The following PCDH11X variants were observed in gnomAD, a reference collection of about 807,000 sequenced individuals.
The protein encoded by PCDH11X is protocadherin-11 X-linked.
A neutral mutation model predicts 53.3 loss-of-function variants in PCDH11X; 18 were observed. The observed-to-expected ratio is 0.34, with a 90% CI of 0.23 to 0.50. The LOEUF is 0.50. Among genes scored for constraint, PCDH11X ranks in the 20% least tolerant of loss-of-function variants. PCDH11X has a pLI of 0.98. For missense variants in PCDH11X, 570 were observed against 1,032.4 expected (o/e 0.55, Z 6.14); for synonymous variants, 279 against 393.3 (o/e 0.71, Z 3.44).
chrX:92,521,610 A>G (rs1227153564), intron 10 of PCDH11X, among the ~76,000 whole-genome samples: 2 of 112,037 alleles, frequency 1.8e-5, no homozygotes, highest in Non-Finnish European at 3.8e-5. Context: ...TTAGCTACTA[A>G]CAAGGGACTC....
chrX:91,884,060 G>A (rs1352238462), intron 6 of PCDH11X: 5 of 171,372 alleles, frequency 2.9e-5, no homozygotes, highest in Non-Finnish European at 1.8e-5. Context: ...GCGTGGTAAT[G>A]GGCGCCTGTA....
intron 6 of PCDH11X, among the ~76,000 whole-genome samples, chrX:92,188,003 G>A (rs144368796): frequency 0.015 from 1,716 of 111,506 alleles, 31 homozygotes; most frequent in African/African-American, 0.052. Flanking sequence ...AAGACTAGGA[G>A]CCGAAACATC....
intron 6 of PCDH11X, among the ~76,000 whole-genome samples, chrX:92,079,870 T>C (rs1457304806): frequency 8.9e-6 from 1 of 111,754 alleles, no homozygotes; most frequent in Non-Finnish European, 1.9e-5. Context: ...CCAAAGGATG[T>C]TGTGGTAGGC....
At chrX:92,283,099 C>G (rs931278975) in intron 8 of PCDH11X, among the ~76,000 whole-genome samples, 5 of 110,799 alleles carry the variant, frequency 4.5e-5, no homozygotes, top group African/African-American at 1.6e-4. Flanking sequence ...TTGACAGAAT[C>G]AAGATAAAGC....
chrX:91,975,305 C>G (rs2062031882), intron 6 of PCDH11X, among the ~76,000 whole-genome samples: 1 of 111,956 alleles, frequency 8.9e-6, no homozygotes, highest in South Asian at 3.7e-4. Context: ...AGATTTTTGG[C>G]TTTGACAACT....
chrX:92,101,056 A>G (rs996808291), intron 6 of PCDH11X, among the ~76,000 whole-genome samples: 39 of 111,844 alleles, frequency 3.5e-4, no homozygotes, highest in African/African-American at 1.3e-3. Flanking sequence ...AAGGAGATTC[A>G]GCATAGTCCT....
chrX:92,573,211 T>C (rs919378831), intron 10 of PCDH11X, among the ~76,000 whole-genome samples: 5 of 111,330 alleles, frequency 4.5e-5, no homozygotes, highest in African/African-American at 1.6e-4. Flanking sequence ...TTACTTTGCC[T>C]TGGTTTTCTA....
chrX:91,790,688 TTTATC>T (rs920513110), intron 1 of PCDH11X, among the ~76,000 whole-genome samples: 3 of 110,893 alleles, frequency 2.7e-5, no homozygotes, highest in African/African-American at 9.8e-5. Flanking sequence ...CAACTAGACT[TTTATC>T]TTAGAATACA....
intron 9 of PCDH11X, among the ~76,000 whole-genome samples, chrX:92,389,603 A>C (rs1362426745): frequency 1.8e-5 from 2 of 111,314 alleles, no homozygotes; most frequent in Admixed American, 1.9e-4. Flanking sequence ...TAAAATTCCA[A>C]CTGAATGAGA....
chrX:91,902,869 A>AT (rs751340267), intron 6 of PCDH11X, among the ~76,000 whole-genome samples: 136 of 107,515 alleles, frequency 1.3e-3, no homozygotes, highest in African/African-American at 4.0e-3. Flanking sequence ...GTTCAACAAC[A>AT]TTTTTTTTTC....
chrX:92,214,340 A>C (rs2066646657), intron 7 of PCDH11X, among the ~76,000 whole-genome samples: 1 of 111,718 alleles, frequency 9.0e-6, no homozygotes, highest in Admixed American at 9.5e-5. Context: ...TGCAGAAAAA[A>C]TCATGTGATC....
chrX:91,879,246 G>A lies in PCDH11X; in HGVS notation c.3006G>A (p.Glu1002=). Residue 1002 remains glutamate, a synonymous_variant, in exon 6 of 11, where the codon GAG becomes GAA. Coordinates refer to ENST00000682573, the MANE Select transcript of PCDH11X (RefSeq NM_032968.5). ...SDCGYPVTTF[E]VPVSVHTRPP... ...GTGGCTATCCAGTGACGACCTTCGAGGTACCTGTGTCCGTACACACCAGAC... is the reference window on the plus strand; with the variant it reads ...GTGGCTATCCAGTGACGACCTTCGAAGTACCTGTGTCCGTACACACCAGAC... The A allele has an allele frequency of 8.3e-7, 1 of 1,211,538 alleles. No individual in the cohort carries two copies. Among genetic ancestry groups the A allele is most frequent in the East Asian group, 3.0e-5 (1 of 33,831 alleles).
At chrX:92,460,309 C>T (rs1217935553) in intron 9 of PCDH11X, 5 of 796,888 alleles carry the variant, frequency 6.3e-6, no homozygotes, top group East Asian at 3.1e-5. Flanking sequence ...CATGAAGAAC[C>T]ACGAAGAGGA....
chrX:92,088,451 C>G (rs1405809555), intron 6 of PCDH11X, among the ~76,000 whole-genome samples: 1 of 110,226 alleles, frequency 9.1e-6, no homozygotes, highest in Non-Finnish European at 1.9e-5. Flanking sequence ...ATCTATATGT[C>G]TGTTCATTTA....
rs1037411498 is a variant in PCDH11X at position 92,233,135 on chromosome X, G to A, written c.3115-29979G>A. On this transcript the variant is annotated intron_variant, in intron 7 of 10. Coordinates refer to ENST00000682573, the MANE Select transcript of PCDH11X (RefSeq NM_032968.5). ...CTACCTAATGCCTCCTAGAGCCTCA[G>A]TCGATTGTACTCTTAGGTAATAATT... Among the ~76,000 whole-genome samples the A allele has an allele frequency of 5.1e-4, 7 of 13,681 alleles. No individual in the cohort carries two copies. In the Non-Finnish European group the frequency reaches 6.0e-3, roughly 12 times the overall value. The allele number at this position is 13,681 out of a possible 115,157, so 11.9% of individuals were successfully genotyped here.
intron 6 of PCDH11X, among the ~76,000 whole-genome samples, chrX:92,003,542 A>T: frequency 1.2e-5 from 1 of 80,381 alleles, no homozygotes; most frequent in African/African-American, 4.9e-5. Context: ...TTGATGGGAG[A>T]GTTTTTATTA....
chrX:92,122,679 G>A (rs1486270822), intron 6 of PCDH11X, among the ~76,000 whole-genome samples: 3 of 111,845 alleles, frequency 2.7e-5, no homozygotes, highest in Non-Finnish European at 5.6e-5. Context: ...GCTCACACCT[G>A]TAATCCCAGC....
chrX:92,379,370 G>C (rs1250172259), intron 8 of PCDH11X, among the ~76,000 whole-genome samples: 1 of 113,060 alleles, frequency 8.8e-6, no homozygotes, highest in Non-Finnish European at 1.9e-5. Flanking sequence ...TGGCGGTGCT[G>C]ACATGCCTAT....
At chrX:92,321,447 T>C (rs34476682) in intron 8 of PCDH11X, among the ~76,000 whole-genome samples, 39 of 110,618 alleles carry the variant, frequency 3.5e-4, no homozygotes, top group Non-Finnish European at 4.5e-4. Flanking sequence ...CCACCTGCCT[T>C]GGCCTCCCAA....
Sources: gnomAD v4.1 joint callset for allele counts (sites outside exome capture counted in the v4.1 genomes callset) on GRCh38, gnomAD v4.1.1 for gene constraint, MANE v1.5 for transcripts, NCBI Gene and HGNC (gene_info 2026-07-23, HGNC 2026-07-21) for gene names.